MACROD2: variants seen among roughly 807,000 people sequenced by gnomAD.
MACROD2 encodes the protein ADP-ribose glycohydrolase MACROD2.
Under a neutral mutation model 70.4 loss-of-function variants are expected in MACROD2, and 36 were observed. The observed-to-expected ratio is 0.51, with a 90% CI of 0.39 to 0.68. The LOEUF is 0.68. Ranked by LOEUF, MACROD2 falls within the 30% of genes least tolerant of loss-of-function variation. The probability of loss-of-function intolerance (pLI) is 0.00; values close to 1 mark genes in which losing one functional copy is unlikely to be tolerated. For missense variants in MACROD2, 496 were observed against 538.4 expected, an observed-to-expected ratio of 0.92 and a Z score of 0.78; for synonymous variants, 172 against 178.8, an observed-to-expected ratio of 0.96 and a Z score of 0.30.
At chr20:14,437,522 A>G (rs2084069939) in intron 3 of MACROD2, among the ~76,000 whole-genome samples, 3 of 152,162 alleles carry the variant, frequency 2.0e-5, no homozygotes, top group Admixed American at 2.0e-4. Flanking sequence ...TGAACCAGGG[A>G]AGAAGAGGTT....
intron 3 of MACROD2, among the ~76,000 whole-genome samples, chr20:14,443,842 G>A (rs1296483852): frequency 6.6e-6 from 1 of 152,088 alleles, no homozygotes; most frequent in Admixed American, 6.5e-5. Context: ...AATAATCACA[G>A]GTCCTGCCTT....
intron 8 of MACROD2, among the ~76,000 whole-genome samples, chr20:15,697,258 T>C (rs971518610): frequency 3.9e-5 from 6 of 152,188 alleles, no homozygotes; most frequent in Middle Eastern, 3.2e-3. Flanking sequence ...GGTGTCATTA[T>C]TGTCATTCAG....
In MACROD2 at chr20:14,865,878, T is replaced by C. The variant is rs548385366; in HGVS notation, c.418+180919T>C. ...TGCTTTTTCTTCAAACACTAAGTGA[T>C]TTGTAGCAAGTTCTCAAAAAGATGT... On this transcript the variant is annotated intron_variant, in intron 5 of 17. Transcript: ENST00000684519. 4.6e-5 allele frequency among the ~76,000 whole-genome samples: 7 copies of C among 152,254 alleles called. No homozygotes were observed. The South Asian group carries it at 1.5e-3, about 32-fold the overall frequency.
rs189061743 is a variant in MACROD2, at chr20:14,086,470, A to C, written c.271+742A>C. 1.8e-3 allele frequency among the ~76,000 whole-genome samples: 272 copies of C among 152,310 alleles called. 2 individuals are homozygous for C. The highest frequency in any genetic ancestry group is 1.9e-3 in the Non-Finnish European group (132 of 68,020). Reference sequence around the variant, plus strand: ...GTCAATTAAAAACAAATCTGGACTTAGGTAAGGAGAGGCTTTATCTAAATA... The same window carrying C: ...GTCAATTAAAAACAAATCTGGACTTCGGTAAGGAGAGGCTTTATCTAAATA... On this transcript the variant is annotated intron_variant, in intron 3 of 17. Transcript: ENST00000684519.
At chr20:15,381,138 CTA>C (rs2045638123) in intron 6 of MACROD2, among the ~76,000 whole-genome samples, 1 of 152,058 alleles carries the variant, frequency 6.6e-6, no homozygotes, top group African/African-American at 2.4e-5. Context: ...TTATTATTGA[CTA>C]TGAGTTGTAT....
intron 7 of MACROD2, among the ~76,000 whole-genome samples, chr20:15,490,445 G>C (rs2047217932): frequency 6.6e-6 from 1 of 151,872 alleles, no homozygotes; most frequent in African/African-American, 2.4e-5. Flanking sequence ...TAATTTTGTA[G>C]AGATAAGATC....
chr20:14,478,083 C>A (rs2084618945), intron 3 of MACROD2, among the ~76,000 whole-genome samples: 1 of 152,032 alleles, frequency 6.6e-6, no homozygotes, highest in South Asian at 2.1e-4. Context: ...ACTCAGGGAA[C>A]ATTTTTAGGA....
intron 4 of MACROD2, among the ~76,000 whole-genome samples, chr20:14,511,211 A>AT: frequency 6.6e-6 from 1 of 152,166 alleles, no homozygotes; most frequent in Non-Finnish European, 1.5e-5. Flanking sequence ...GATTAGGGTT[A>AT]TTTTTTTGAG....
intron 9 of MACROD2, among the ~76,000 whole-genome samples, chr20:15,863,616 G>T (rs1219625181): frequency 1.3e-5 from 2 of 152,160 alleles, no homozygotes; most frequent in Admixed American, 6.6e-5. Context: ...GAGCATTGTT[G>T]GTACTTGCCT....
chr20:15,713,029 C>T (rs1481141363), intron 8 of MACROD2, among the ~76,000 whole-genome samples: 3 of 152,082 alleles, frequency 2.0e-5, no homozygotes, highest in African/African-American at 7.2e-5. Flanking sequence ...AAGGGTCTGG[C>T]TTCAGGCACT....
chr20:14,209,593 C>A (rs1182094672), intron 3 of MACROD2, among the ~76,000 whole-genome samples: 1 of 152,060 alleles, frequency 6.6e-6, no homozygotes, highest in African/African-American at 2.4e-5. Flanking sequence ...CTGCTCATTA[C>A]AGGGAAGGTA....
At chr20:15,637,776 G>T (rs1246814970) in intron 8 of MACROD2, among the ~76,000 whole-genome samples, 1 of 152,166 alleles carries the variant, frequency 6.6e-6, no homozygotes, top group East Asian at 1.9e-4. Flanking sequence ...CCTCTTCCAT[G>T]ATTGTCACAT....
chr20:14,998,280 C>G (rs1308800241), intron 5 of MACROD2, among the ~76,000 whole-genome samples: 4 of 152,100 alleles, frequency 2.6e-5, no homozygotes, highest in African/African-American at 9.7e-5. Flanking sequence ...AAATAAGGCA[C>G]CAGTGACCAA....
chr20:14,325,439 G>A, intron 3 of MACROD2: 2 of 1,081,302 alleles, frequency 1.8e-6, no homozygotes, highest in South Asian at 3.2e-5. Context: ...CAAATGTACA[G>A]TACATTGCTT....
Position 13,995,576 on chromosome 20 carries a change from G to T in MACROD2, c.-188G>T. 1.5e-6 allele frequency: 1 copy of T among 671,346 alleles called. No individual in the cohort carries two copies. Among genetic ancestry groups the T allele is most frequent in the Non-Finnish European group, 2.7e-6 (1 of 365,694 alleles). 41.6% of individuals were successfully genotyped at this position (671,346 alleles called of 1,614,324 possible). On this transcript the variant is annotated 5_prime_UTR_variant, in exon 1 of 18. Coordinates refer to ENST00000684519, the MANE Select transcript of MACROD2 (RefSeq NM_001351661.2). The surrounding 1 kb of genome is among the most constrained non-coding windows in gnomAD (Gnocchi z 4.3). Reference sequence around the variant, plus strand: ...GGGGCTGAGGCGGGTGGGAGCCGGAGCCGAGCGCGGGCTGAGGGAGGAGGG... The same window carrying T: ...GGGGCTGAGGCGGGTGGGAGCCGGATCCGAGCGCGGGCTGAGGGAGGAGGG...
At chr20:14,337,895 T>A (rs185259059) in intron 3 of MACROD2, among the ~76,000 whole-genome samples, 124 of 152,250 alleles carry the variant, frequency 8.1e-4, no homozygotes, top group African/African-American at 2.5e-3. Flanking sequence ...GTATTTTTTT[T>A]AAAAAGCATG....
intron 7 of MACROD2, among the ~76,000 whole-genome samples, chr20:15,479,462 C>T (rs922991499): frequency 6.6e-5 from 10 of 151,386 alleles, no homozygotes; most frequent in Admixed American, 2.0e-4. Flanking sequence ...TTAGTAGAGA[C>T]GGGGTTTCAC....
intron 6 of MACROD2, among the ~76,000 whole-genome samples, chr20:15,261,650 T>C (rs1447285197): frequency 2.6e-5 from 4 of 152,016 alleles, no homozygotes; most frequent in African/African-American, 9.7e-5. Context: ...AAAGTCTGTC[T>C]TCAGATAGAA....
chr20:15,111,192 C>T (rs1419004035), intron 5 of MACROD2, among the ~76,000 whole-genome samples: 86 of 100,188 alleles, frequency 8.6e-4, no homozygotes, highest in Middle Eastern at 5.6e-3. Flanking sequence ...TTTTTTTTTG[C>T]GACGGAGTCT....
Sources: gnomAD v4.1 joint callset for allele counts (sites outside exome capture counted in the v4.1 genomes callset) on GRCh38, gnomAD v4.1.1 for gene constraint, Gnocchi (gnomAD v3.1) non-coding constraint, MANE v1.5 for transcripts, NCBI Gene and HGNC (gene_info 2026-07-23, HGNC 2026-07-21) for gene names.